DIABLO: variants seen among roughly 807,000 people sequenced by gnomAD.
The protein encoded by DIABLO is diablo IAP-binding mitochondrial protein, also known as diablo homolog, mitochondrial.
In DIABLO, 32 loss-of-function variants were observed where a neutral mutation model predicts 31.7. The ratio of observed to expected loss-of-function variants is 1.01; its 90% CI spans 0.76 to 1.35. The LOEUF is 1.35. Ranked by LOEUF, DIABLO falls within the 40% of genes most tolerant of loss-of-function variation. DIABLO has a pLI of 0.00. For missense variants in DIABLO, 316 were observed against 286.4 expected (o/e 1.10, Z -0.75); for synonymous variants, 132 against 103.2 (o/e 1.28, Z -1.69).
intron 1 of DIABLO, chr12:122,224,947 G>A: frequency 7.7e-6 from 6 of 774,862 alleles, no homozygotes; most frequent in Non-Finnish European, 1.1e-5. Flanking sequence ...ATGACCCCGT[G>A]TCTATTAAAA....
In DIABLO at chr12:122,208,431, C is replaced by T. The variant is rs150199226; in HGVS notation, c.670G>A (p.Gly224Arg). 4.6e-4 allele frequency: 741 copies of T among 1,613,946 alleles called. 2 individuals carry two copies. The African/African-American group carries it at 8.3e-3, about 18-fold the overall frequency. The stretch of plus-strand genomic sequence containing the variant: ...TGCTCCGACTCAGCCCGCTCCTCCC[C>T]TTCCTCCTGTGTTTTCTGACGGAGC... The part of the protein sequence containing the change: ...EELRQKTQEE[G>R]EERAESEQEA... Residue 224 changes from glycine to arginine, a missense_variant, in exon 6 of 6, where the codon GGG (glycine) becomes AGG (arginine). Gly to Arg is a moderately radical substitution (Grantham distance 125). Transcript: ENST00000464942.
Position 122,208,239 on chromosome 12 carries a change from A to T in DIABLO, c.*142T>A. On this transcript the variant is annotated 3_prime_UTR_variant, in exon 6 of 6. Transcript: ENST00000464942. ...AGACCACAGGAGGCACTCACAGCTC[A>T]CAAAGGCGTCTCGCCTGATTGGCCA... The T allele has an allele frequency of 1.0e-6, 1 of 976,316 alleles. No individual in the cohort carries two copies. The highest frequency in any genetic ancestry group is 1.6e-6 in the Non-Finnish European group (1 of 634,792). 60.5% of individuals were successfully genotyped at this position (976,316 alleles called of 1,614,324 possible). A position where few individuals can be genotyped will look rare whatever the true frequency, so the allele number is the denominator to read the frequency against.
At chr12:122,216,991 C>T in intron 3 of DIABLO, 122 bp from the exon 4 acceptor site, 1 of 778,910 alleles carries the variant, frequency 1.3e-6, no homozygotes, top group Non-Finnish European at 2.2e-6. Context: ...CATCCTGCTG[C>T]CTCAATGAAA....
chr12:122,216,850 G>A lies in DIABLO; in HGVS notation c.335C>T (p.Ser112Phe). Residue 112 changes from serine to phenylalanine, a missense_variant, in exon 4 of 6, where the codon TCT becomes TTT. Physicochemically the swap from Ser to Phe is radical, Grantham distance 155. Coordinates refer to ENST00000464942, the MANE Select transcript of DIABLO (RefSeq NM_001371333.1). ...EYTKAVYTLT[S>F]LYRQYTSLLG... ...TAAACTTGTATATTGTCGGTAAAGA[G>A]AAGTTAAGGTATAAACAGCCTACAA... 6.2e-7 allele frequency: 1 copy of A among 1,613,886 alleles called. No homozygotes were observed.
chr12:122,220,034 C>T (rs1004819774), intron 2 of DIABLO, among the ~76,000 whole-genome samples: 2 of 151,080 alleles, frequency 1.3e-5, no homozygotes, highest in African/African-American at 4.9e-5. Flanking sequence ...ACCTCCGCCT[C>T]CTGGGTTCAA....
In DIABLO at chr12:122,216,732, CAG is replaced by C. The variant is rs1191955789; in HGVS notation, c.426+25_426+26del. On this transcript the variant is annotated intron_variant, in intron 4 of 5. Coordinates refer to ENST00000464942, the MANE Select transcript of DIABLO (RefSeq NM_001371333.1). ...ACCACATGAGGTAGGTGCACTAACA[CAG>C]AAATGCCTAGAACTTTCTGCTTACC... 3 of 1,605,970 alleles carry C rather than the reference CAG, an allele frequency of 1.9e-6. No individual in the cohort carries two copies. In the African/African-American group the frequency reaches 4.0e-5, roughly 21 times the overall value.
intron 5 of DIABLO, among the ~76,000 whole-genome samples, chr12:122,215,130 A>G (rs1954178407): frequency 6.6e-6 from 1 of 152,184 alleles, no homozygotes; most frequent in African/African-American, 2.4e-5. Context: ...TGCCTCTACT[A>G]AAAATACAAA....
intron 5 of DIABLO, among the ~76,000 whole-genome samples, chr12:122,213,257 C>G (rs1954127681): frequency 6.6e-6 from 1 of 151,836 alleles, no homozygotes; most frequent in East Asian, 1.9e-4. Context: ...AGGCCGTGCA[C>G]AGTGTCTCAT....
intron 2 of DIABLO, chr12:122,220,507 T>G (rs746629643): frequency 1.3e-5 from 2 of 152,000 alleles, no homozygotes; most frequent in African/African-American, 4.8e-5. Context: ...AGACACAAAT[T>G]AGCTGGGCGT....
At position 122,225,394 on chromosome 12, in the gene DIABLO, T is replaced by A. The variant is rs1198711534; in HGVS notation, c.50+571A>T. 23 of 992,768 alleles carry A rather than the reference T, an allele frequency of 2.3e-5. No homozygotes were observed. The East Asian group carries it at 7.8e-4, about 33-fold the overall frequency. 61.5% of individuals were successfully genotyped at this position (992,768 alleles called of 1,614,324 possible). ...AGAGGCAGATCTTGTCTCAAAAAAATTAAAATAAAATAAAATGTTGCCTTT... is the reference window on the plus strand; with the variant it reads ...AGAGGCAGATCTTGTCTCAAAAAAAATAAAATAAAATAAAATGTTGCCTTT... On this transcript the variant is annotated intron_variant, in intron 1 of 5. Transcript: ENST00000464942.
At chr12:122,225,757 G>A (rs1453711043) in intron 1 of DIABLO, 3 of 1,439,108 alleles carry the variant, frequency 2.1e-6, no homozygotes, top group Non-Finnish European at 2.7e-6. Context: ...TCTAGAAGAT[G>A]GACGAACTGA....
chr12:122,225,942 C>T, intron 1 of DIABLO, 23 bp downstream of exon 1: 3 of 1,580,754 alleles, frequency 1.9e-6, no homozygotes, highest in East Asian at 4.6e-5. Flanking sequence ...GGTCCTGTCC[C>T]CTCTACGCGG....
chr12:122,208,611 C>A (rs372001893), intron 5 of DIABLO, 34 bp from the exon 6 acceptor site: 18 of 1,603,434 alleles, frequency 1.1e-5, no homozygotes, highest in Admixed American at 6.7e-5. Flanking sequence ...GTTGAGCAGC[C>A]GTGCAGGGCG....
chr12:122,218,532 ATAT>A, intron 2 of DIABLO, 135 bp from the exon 3 acceptor site: 1 of 1,184,220 alleles, frequency 8.4e-7, no homozygotes, highest in East Asian at 2.5e-5. Context: ...TCTTTGGGTT[ATAT>A]TTTTTAAGGC....
At position 122,226,032 on chromosome 12, in the gene DIABLO, CCA is replaced by C. The variant is rs1345636949; in HGVS notation, c.-20_-19del. ...GCCGCCATTGTGCAGCGCGCGGACGCCAGACGCACACGCCGGAAGTGACGCAG... is the reference window on the plus strand; with the variant it reads ...GCCGCCATTGTGCAGCGCGCGGACGCGACGCACACGCCGGAAGTGACGCAG... On this transcript the variant is annotated 5_prime_UTR_variant, in exon 1 of 6. Coordinates refer to ENST00000464942, the MANE Select transcript of DIABLO (RefSeq NM_001371333.1). The C allele has an allele frequency of 6.3e-7, 1 of 1,599,870 alleles. No individual in the cohort carries two copies. The highest frequency in any genetic ancestry group is 8.5e-7 in the Non-Finnish European group (1 of 1,174,762).
rs775046551 is a variant in DIABLO, at chr12:122,216,877, T to TA, written c.316-9dup. On this transcript the variant is annotated splice_polypyrimidine_tract_variant and intron_variant, in intron 3 of 5. Transcript: ENST00000464942. The stretch of plus-strand genomic sequence containing the variant: ...AGTTAAGGTATAAACAGCCTACAAA[T>TA]AGAGAATGAACAAGTCTGAGTAAAG... 1.2e-6 allele frequency: 2 copies of TA among 1,604,784 alleles called. No homozygotes were observed. The highest frequency in any genetic ancestry group is 1.3e-5 in the African/African-American group (1 of 74,702).
intron 5 of DIABLO, chr12:122,208,954 C>T (rs1954011062): frequency 2.7e-6 from 1 of 365,876 alleles, no homozygotes; most frequent in East Asian, 7.1e-5. Flanking sequence ...TCCCTTTCAT[C>T]ACCTTGACTA....
Position 122,215,967 on chromosome 12 carries a change from AT to A in DIABLO, c.523+520del, listed in dbSNP as rs577302833. On this transcript the variant is annotated intron_variant, in intron 5 of 5. Transcript: ENST00000464942. Reference sequence around the variant, plus strand: ...CACCATACCGTGTCATCTTAGCCGAATGATCTGGCCCATCTGCCCTCTAGTT... The same window carrying A: ...CACCATACCGTGTCATCTTAGCCGAAGATCTGGCCCATCTGCCCTCTAGTT... Among the ~76,000 whole-genome samples the A allele has an allele frequency of 2.6e-5, 4 of 151,566 alleles. No homozygotes were observed. The East Asian group carries it at 7.8e-4, about 29-fold the overall frequency.
At chr12:122,215,744 G>A (rs889564483) in intron 5 of DIABLO, among the ~76,000 whole-genome samples, 2 of 150,126 alleles carry the variant, frequency 1.3e-5, no homozygotes, top group African/African-American at 4.9e-5. Flanking sequence ...CAGAGGCTTT[G>A]GAATTCGACC....
Sources: allele counts gnomAD v4.1 joint callset (sites outside exome capture counted in the v4.1 genomes callset), GRCh38; gene constraint gnomAD v4.1.1; transcripts MANE v1.5; gene names NCBI Gene and HGNC (gene_info 2026-07-23, HGNC 2026-07-21).